Variants in MCCC1 observed in about 807,000 individuals in gnomAD.
MCCC1 encodes the protein methylcrotonoyl-CoA carboxylase subunit alpha, mitochondrial.
In MCCC1, 64 loss-of-function variants were observed where a neutral mutation model predicts 83.8. That is an observed-to-expected ratio of 0.76 (90% CI 0.62 to 0.94). MCCC1 has a LOEUF of 0.94. MCCC1 is among the 40% of genes least tolerant of loss of function. The pLI is 0.00. For missense variants in MCCC1, 807 were observed against 904.7 expected (o/e 0.89, Z 1.39); for synonymous variants, 322 against 315.4 (o/e 1.02, Z -0.22).
chr3:183,102,900 G>T (rs1370749224), upstream of MCCC1, among the ~76,000 whole-genome samples: 1 of 147,448 alleles, frequency 6.8e-6, no homozygotes, highest in Non-Finnish European at 1.5e-5. Context: ...GATTCTCATG[G>T]CTCAGCCTCC....
At chr3:183,084,502 A>T (rs1717748265) in intron 4 of MCCC1, among the ~76,000 whole-genome samples, 1 of 152,216 alleles carries the variant, frequency 6.6e-6, no homozygotes, top group South Asian at 2.1e-4. Context: ...GCTGTAACCA[A>T]AAAAGCTTCA....
chr3:183,102,743 C>G (rs11710372), upstream of MCCC1, among the ~76,000 whole-genome samples: 375 of 100,544 alleles, frequency 3.7e-3, 2 homozygotes, highest in South Asian at 0.015. Context: ...TATGGGAGGT[C>G]TTAGAGCAGA....
At chr3:183,037,098 G>T in intron 13 of MCCC1, 120 bp downstream of exon 13, 2 of 940,252 alleles carry the variant, frequency 2.1e-6, no homozygotes, top group Admixed American at 2.0e-5. Context: ...CATCTGAAAA[G>T]AATGGTGTCA....
chr3:183,034,661 C>A (rs1713409229), intron 13 of MCCC1, among the ~76,000 whole-genome samples: 1 of 152,112 alleles, frequency 6.6e-6, no homozygotes, highest in Non-Finnish European at 1.5e-5. Flanking sequence ...CAGTCACCAC[C>A]TTTTGATGGG....
chr3:183,037,288 TAA>T lies in MCCC1; in HGVS notation c.1522_1523del (p.Leu508MetfsTer24). ...GGATGAGACCCAGGGCTGCCTGGCA[TAA>T]AGACTCTTTGGCTGCAGCCTTCCGA... ...LSRKAAAKES[L>X]CQAALGLILK... On this transcript the variant is annotated frameshift_variant, in exon 13 of 19. Transcript: ENST00000265594. LOFTEE classifies it high-confidence loss of function. 1 of 1,614,152 alleles carries T rather than the reference TAA, an allele frequency of 6.2e-7. No individual in the cohort carries two copies. The highest frequency in any genetic ancestry group is 1.1e-5 in the South Asian group (1 of 91,090).
intron 14 of MCCC1, among the ~76,000 whole-genome samples, chr3:183,029,850 C>T (rs889388779): frequency 1.3e-5 from 2 of 152,174 alleles, no homozygotes; most frequent in Non-Finnish European, 2.9e-5. Context: ...TGAGGAGGTC[C>T]TCTGGGGTCT....
chr3:183,099,550 C>T (rs561405200), upstream of MCCC1: 3 of 1,321,410 alleles, frequency 2.3e-6, no homozygotes, highest in African/African-American at 2.9e-5. Flanking sequence ...CGGCCACCGT[C>T]GGAGCCTGAG....
At chr3:183,043,522 C>G (rs1577279913) in intron 10 of MCCC1, among the ~76,000 whole-genome samples, 1 of 152,250 alleles carries the variant, frequency 6.6e-6, no homozygotes, top group Admixed American at 6.5e-5. Context: ...ACACTTACAT[C>G]AGTCATCATT....
chr3:183,097,893 C>T (rs897315655), intron 1 of MCCC1, among the ~76,000 whole-genome samples: 3 of 152,062 alleles, frequency 2.0e-5, no homozygotes, highest in African/African-American at 7.2e-5. Flanking sequence ...ATTAACATTA[C>T]TTACACCAAC....
chr3:183,021,690 A>C (rs1461578762), intron 16 of MCCC1, among the ~76,000 whole-genome samples: 1 of 152,152 alleles, frequency 6.6e-6, no homozygotes, highest in Non-Finnish European at 1.5e-5. Flanking sequence ...TACGGCCTCT[A>C]TCATCATATT....
rs12496512 is a variant in MCCC1, at chr3:183,037,052, T to C, written c.1594+166A>G. ...TAAATAGTGTTTATGGGTGCATCCA[T>C]GGTAAGTGAAGAGCTTTCCTTCATA... On this transcript the variant is annotated intron_variant, in intron 13 of 18. Coordinates refer to ENST00000265594, the MANE Select transcript of MCCC1 (RefSeq NM_020166.5). Among the ~76,000 whole-genome samples, 654 of 152,208 alleles carry C rather than the reference T, an allele frequency of 4.3e-3. 6 individuals are homozygous for C. The highest frequency in any genetic ancestry group is 6.8e-3 in the Middle Eastern group (2 of 292).
chr3:183,116,126 G>A (rs771362190), upstream of MCCC1: 16 of 154,302 alleles, frequency 1.0e-4, no homozygotes, highest in Non-Finnish European at 1.2e-4. Context: ...GGGGGCTAAA[G>A]GGGCTTGTTG....
intron 8 of MCCC1, among the ~76,000 whole-genome samples, chr3:183,054,225 G>A (rs1192809032): frequency 2.6e-4 from 38 of 143,810 alleles, no homozygotes; most frequent in Non-Finnish European, 5.0e-4. Context: ...TTGCTCTGTC[G>A]CCCAGGCTGG....
At chr3:183,092,355 C>T (rs1204383692) in intron 3 of MCCC1, 54 bp downstream of exon 3, 10 of 1,609,998 alleles carry the variant, frequency 6.2e-6, no homozygotes, top group Middle Eastern at 1.6e-4. Flanking sequence ...AACGAAAATA[C>T]TGACACAGTA....
At chr3:183,036,774 C>G (rs1037541674) in intron 13 of MCCC1, among the ~76,000 whole-genome samples, 1 of 152,172 alleles carries the variant, frequency 6.6e-6, no homozygotes, top group South Asian at 2.1e-4. Context: ...CTCCTGACAT[C>G]ATGATCCGCC....
chr3:183,028,454 T>C lies in MCCC1; in HGVS notation c.1682-2650A>G, dbSNP rs568485895. Among the ~76,000 whole-genome samples, 24 of 152,324 alleles carry C rather than the reference T, an allele frequency of 1.6e-4. No homozygotes were observed. The South Asian group carries it at 4.8e-3, about 30-fold the overall frequency. ...GAGTAATTTCAACTTTCAAGTCTTATTAAGAAATATATTTTGTAAGGCAAT... is the reference window on the plus strand; with the variant it reads ...GAGTAATTTCAACTTTCAAGTCTTACTAAGAAATATATTTTGTAAGGCAAT... On this transcript the variant is annotated intron_variant, in intron 14 of 18. Coordinates refer to ENST00000265594, the MANE Select transcript of MCCC1 (RefSeq NM_020166.5).
chr3:183,029,624 T>TG (rs1712886456), intron 14 of MCCC1, among the ~76,000 whole-genome samples: 1 of 152,228 alleles, frequency 6.6e-6, no homozygotes, highest in African/African-American at 2.4e-5. Flanking sequence ...TTAAAACAGT[T>TG]GGTCATTCTC....
intron 3 of MCCC1, among the ~76,000 whole-genome samples, chr3:183,088,375 T>G (rs1173020985): frequency 1.3e-5 from 2 of 152,074 alleles, no homozygotes; most frequent in Non-Finnish European, 2.9e-5. Context: ...CCCAGCTAAT[T>G]TTTGTATTTG....
At chr3:183,085,222 C>A (rs1717804877) in intron 4 of MCCC1, among the ~76,000 whole-genome samples, 1 of 152,076 alleles carries the variant, frequency 6.6e-6, no homozygotes, top group Non-Finnish European at 1.5e-5. Flanking sequence ...ATGTTGTTGT[C>A]CCTACCTTTG....
Sources: gnomAD v4.1 joint callset for allele counts (sites outside exome capture counted in the v4.1 genomes callset) on GRCh38, gnomAD v4.1.1 for gene constraint, MANE v1.5 for transcripts, NCBI Gene and HGNC (gene_info 2026-07-23, HGNC 2026-07-21) for gene names.